Variants in HPSE2 observed in about 807,000 individuals in gnomAD.
HPSE2 encodes the protein inactive heparanase-2.
In HPSE2, 38 loss-of-function variants were observed where a neutral mutation model predicts 60.5. The ratio of observed to expected loss-of-function variants is 0.63; its 90% CI spans 0.48 to 0.82. The LOEUF (loss-of-function observed/expected upper bound fraction) is 0.82, where lower values mean the gene tolerates loss of function less well. Among genes scored for constraint, HPSE2 ranks in the 40% least tolerant of loss-of-function variants. HPSE2 has a pLI of 0.00. For missense variants in HPSE2, 713 were observed against 740.4 expected (o/e 0.96, Z 0.43); for synonymous variants, 295 against 293.2 (o/e 1.01, Z -0.06).
chr10:98,774,413 A>C (rs554947197), intron 3 of HPSE2, among the ~76,000 whole-genome samples: 6 of 151,916 alleles, frequency 3.9e-5, no homozygotes, highest in Admixed American at 3.9e-4. Context: ...ATTCTGTTTA[A>C]ATGATTGTGT....
chr10:99,153,877 C>G (rs909649739), intron 2 of HPSE2, among the ~76,000 whole-genome samples: 2 of 151,006 alleles, frequency 1.3e-5, no homozygotes, highest in Non-Finnish European at 3.0e-5. Context: ...GAATGTATAA[C>G]TAGAATAACC....
At chr10:99,279,102 GAA>G in the HPSE2 span, among the ~76,000 whole-genome samples, 2 of 151,274 alleles carry the variant, frequency 1.3e-5, no homozygotes, top group African/African-American at 2.4e-5. Flanking sequence ...TTTATCATCA[GAA>G]AAAAAAAAGA....
At chr10:98,723,716 T>C (rs1335983303) in intron 4 of HPSE2, among the ~76,000 whole-genome samples, 1 of 152,248 alleles carries the variant, frequency 6.6e-6, no homozygotes, top group Non-Finnish European at 1.5e-5. Flanking sequence ...TCAAGGAATT[T>C]ACCCATTACT....
chr10:98,897,425 TC>T (rs1953526100), intron 3 of HPSE2, among the ~76,000 whole-genome samples: 1 of 152,002 alleles, frequency 6.6e-6, no homozygotes, highest in Non-Finnish European at 1.5e-5. Context: ...ACTCACACTA[TC>T]CATTTCAAAG....
chr10:98,939,361 A>G (rs1391980924), intron 3 of HPSE2, among the ~76,000 whole-genome samples: 2 of 143,630 alleles, frequency 1.4e-5, no homozygotes, highest in Non-Finnish European at 3.0e-5. Flanking sequence ...AGACACACAT[A>G]GGCTCAAAAT....
At chr10:99,200,303 A>T (rs997276415) in intron 2 of HPSE2, among the ~76,000 whole-genome samples, 1 of 152,166 alleles carries the variant, frequency 6.6e-6, no homozygotes, top group Admixed American at 6.5e-5. Flanking sequence ...GAAACATGAC[A>T]TCAAACATTT....
intron 3 of HPSE2, among the ~76,000 whole-genome samples, chr10:98,977,433 T>A (rs1286148259): frequency 6.6e-6 from 1 of 152,178 alleles, no homozygotes. Context: ...GGCAATAAGG[T>A]GGGCAACCAG....
chr10:98,920,915 A>G (rs1000687851), intron 3 of HPSE2, among the ~76,000 whole-genome samples: 1 of 152,192 alleles, frequency 6.6e-6, no homozygotes, highest in African/African-American at 2.4e-5. Context: ...TTCCTGCTGC[A>G]AACAGCTTCG....
chr10:98,554,868 T>G (rs934866930), intron 9 of HPSE2, among the ~76,000 whole-genome samples: 2 of 152,198 alleles, frequency 1.3e-5, no homozygotes, highest in Non-Finnish European at 2.9e-5. Flanking sequence ...AGATCACTAT[T>G]TCCCAAACCT....
At chr10:99,192,430 G>C (rs1244781762) in intron 2 of HPSE2, among the ~76,000 whole-genome samples, 4 of 152,142 alleles carry the variant, frequency 2.6e-5, no homozygotes, top group African/African-American at 9.7e-5. Context: ...GTATGGGCCA[G>C]GAAAGAGTAG....
chr10:98,795,302 C>G (rs935736685), intron 3 of HPSE2, among the ~76,000 whole-genome samples: 12 of 152,278 alleles, frequency 7.9e-5, no homozygotes, highest in Middle Eastern at 6.8e-3. Flanking sequence ...CTTGAGTCAC[C>G]AACACCAACC....
chr10:99,173,639 A>G (rs1037415975), intron 2 of HPSE2, among the ~76,000 whole-genome samples: 1 of 152,142 alleles, frequency 6.6e-6, no homozygotes, highest in African/African-American at 2.4e-5. Context: ...TTATATTATA[A>G]CCATCTCGAA....
chr10:98,771,913 ATAT>A (rs1382313414), intron 3 of HPSE2, among the ~76,000 whole-genome samples: 1 of 152,224 alleles, frequency 6.6e-6, no homozygotes, highest in Non-Finnish European at 1.5e-5. Context: ...TGGAATGGAT[ATAT>A]TAATAAGGAC....
At chr10:99,014,276 G>C (rs1433236554) in intron 3 of HPSE2, among the ~76,000 whole-genome samples, 1 of 152,176 alleles carries the variant, frequency 6.6e-6, no homozygotes, top group Non-Finnish European at 1.5e-5. Flanking sequence ...CCATGTCCCT[G>C]CAAAGGACAT....
chr10:99,285,461 G>GGGAAGGAA, the HPSE2 span, among the ~76,000 whole-genome samples: 4 of 119,512 alleles, frequency 3.3e-5, no homozygotes, highest in African/African-American at 1.5e-4. Flanking sequence ...ATGAAAGAAA[G>GGGAAGGAA]GGAAGGAAGG....
chr10:98,878,660 G>C (rs2046287353), intron 3 of HPSE2, among the ~76,000 whole-genome samples: 1 of 151,962 alleles, frequency 6.6e-6, no homozygotes. Flanking sequence ...GCAGGGATCA[G>C]AGCATGCAAC....
intron 3 of HPSE2, among the ~76,000 whole-genome samples, chr10:98,842,813 A>G (rs1951947938): frequency 6.8e-6 from 1 of 147,864 alleles, no homozygotes; most frequent in African/African-American, 2.7e-5. Flanking sequence ...TCTAATATAG[A>G]ATATTTCCTC....
chr10:99,127,258 A>G (rs73331972), intron 3 of HPSE2, among the ~76,000 whole-genome samples: 1,815 of 152,300 alleles, frequency 0.012, 34 homozygotes, highest in African/African-American at 0.041. Flanking sequence ...AATATGGAAT[A>G]TGGATTAAAA....
chr10:98,844,960 T>G (rs1022157843), intron 3 of HPSE2, among the ~76,000 whole-genome samples: 1 of 152,202 alleles, frequency 6.6e-6, no homozygotes, highest in South Asian at 2.1e-4. Flanking sequence ...GAATATTTAT[T>G]TCTATTATGT....
Sources: allele counts gnomAD v4.1 joint callset (sites outside exome capture counted in the v4.1 genomes callset), GRCh38; gene constraint gnomAD v4.1.1; transcripts MANE v1.5; gene names NCBI Gene and HGNC (gene_info 2026-07-23, HGNC 2026-07-21).